DCHS2: variants seen among roughly 807,000 people sequenced by gnomAD.
The protein encoded by DCHS2 is protocadherin-23.
In DCHS2, 142 loss-of-function variants were observed where a neutral mutation model predicts 182.4. That is an observed-to-expected ratio of 0.78 (90% CI 0.68 to 0.89). The LOEUF (loss-of-function observed/expected upper bound fraction) is 0.89, where lower values mean the gene tolerates loss of function less well. Ranked by LOEUF, DCHS2 falls within the 40% of genes least tolerant of loss-of-function variation. The pLI is 0.00. For missense variants in DCHS2, 4,319 were observed against 4,198.6 expected (o/e 1.03, Z -0.79); for synonymous variants, 1,740 against 1,663.3 (o/e 1.05, Z -1.12).
rs1019716221 is a variant in DCHS2, at chr4:154,246,664, C to T, written c.6942-3892G>A. Among the ~76,000 whole-genome samples the T allele has an allele frequency of 9.2e-5, 14 of 152,088 alleles. No homozygotes were observed. The East Asian group carries it at 1.9e-3, about 21-fold the overall frequency. On this transcript the variant is annotated intron_variant, in intron 16 of 19. Coordinates refer to ENST00000357232, the MANE Select transcript of DCHS2 (RefSeq NM_001358235.2). ...AATACCTTGGAGAGATATCAGAAGA[C>T]AACATGTGCATAAAACAAGAGTTGG...
intron 12 of DCHS2, among the ~76,000 whole-genome samples, chr4:154,302,468 G>C (rs185642888): frequency 2.0e-4 from 30 of 152,254 alleles, no homozygotes; most frequent in African/African-American, 6.7e-4. Context: ...TTTAGGCCTG[G>C]CTTTTGTTTT....
At chr4:154,445,799 A>T (rs1364663460) in intron 1 of DCHS2, among the ~76,000 whole-genome samples, 2 of 139,552 alleles carry the variant, frequency 1.4e-5, no homozygotes, top group African/African-American at 5.5e-5. Flanking sequence ...TGATAGAGCA[A>T]GACACTGTCA....
chr4:154,417,157 G>T lies in DCHS2; in HGVS notation c.2053-39713C>A, dbSNP rs527977539. On this transcript the variant is annotated intron_variant, in intron 1 of 19. Transcript: ENST00000357232. ...CCTGTCACCACCTCAGGCCGGTCCC[G>T]AGTGTGTGTGTGTGTGTGTGTGTGT... 8.1e-4 allele frequency among the ~76,000 whole-genome samples: 94 copies of T among 116,568 alleles called. 1 individual carries two copies. The Middle Eastern group carries it at 0.013, about 16-fold the overall frequency. The allele number at this position is 116,568 out of a possible 152,430, so 76.5% of individuals were successfully genotyped here.
intron 1 of DCHS2, among the ~76,000 whole-genome samples, chr4:154,484,090 C>G (rs1179958319): frequency 6.6e-6 from 1 of 152,190 alleles, no homozygotes; most frequent in Non-Finnish European, 1.5e-5. Flanking sequence ...CCTATTCTTC[C>G]CACTAATCCA....
intron 1 of DCHS2, among the ~76,000 whole-genome samples, chr4:154,398,877 C>A (rs779663010): frequency 3.3e-5 from 5 of 152,216 alleles, no homozygotes; most frequent in Non-Finnish European, 4.4e-5. Context: ...AGGTCTATAT[C>A]CCTCCAGCCA....
rs1366251270 is a variant in DCHS2 at position 154,305,225 on chromosome 4, T to C, written c.5267A>G (p.Asn1756Ser). 6.2e-7 allele frequency: 1 copy of C among 1,606,628 alleles called. No individual in the cohort carries two copies. The highest frequency in any genetic ancestry group is 1.3e-5 in the African/African-American group (1 of 74,518). The change falls in exon 11 of 20, where the codon AAT becomes AGT. Residue 1756 changes from asparagine (N) to serine (S), a missense_variant. By Grantham distance (46) the Asn-to-Ser change is conservative. Transcript: ENST00000357232. The stretch of plus-strand genomic sequence containing the variant: ...CATGATTTCAAACTGAAGCTTGGAA[T>C]TGACTCCTTAAGAAAAATATAAAGA... ...VEALDRDSGV[N>S]SKLQFEIMPG...
At chr4:154,328,768 G>T (rs1413855225) in intron 6 of DCHS2, among the ~76,000 whole-genome samples, 1 of 152,128 alleles carries the variant, frequency 6.6e-6, no homozygotes, top group Non-Finnish European at 1.5e-5. Flanking sequence ...TGCTTTGTTA[G>T]AATTTTTCTT....
intron 1 of DCHS2, among the ~76,000 whole-genome samples, chr4:154,393,695 C>CGCT (rs3062741): frequency 0.6 from 90,490 of 151,792 alleles, 31,056 homozygotes; most frequent in Non-Finnish European, 0.75. Flanking sequence ...TCCACTCTTT[C>CGCT]GCTGTTTCAG....
At chr4:154,391,829 G>A (rs1449181793) in intron 1 of DCHS2, among the ~76,000 whole-genome samples, 2 of 152,180 alleles carry the variant, frequency 1.3e-5, no homozygotes, top group Non-Finnish European at 2.9e-5. Context: ...GCCCTGACCT[G>A]CTGAAAGCTA....
chr4:154,391,532 G>A (rs1488232479), intron 1 of DCHS2, among the ~76,000 whole-genome samples: 1 of 152,192 alleles, frequency 6.6e-6, no homozygotes, highest in East Asian at 1.9e-4. Context: ...AGGCAAAGGA[G>A]TGCTTCTCTA....
chr4:154,315,616 A>G (rs1393759497), intron 10 of DCHS2, 132 bp downstream of exon 10: 4 of 1,338,922 alleles, frequency 3.0e-6, no homozygotes, highest in African/African-American at 2.9e-5. Context: ...TGCAAATGAA[A>G]GAAGTATTAC....
intron 6 of DCHS2, 87 bp from the exon 7 acceptor site, chr4:154,328,279 T>C (rs1472070): frequency 0.17 from 145,532 of 872,586 alleles, 12,598 homozygotes; most frequent in Middle Eastern, 0.23. Flanking sequence ...GAATACATTA[T>C]ACTAAACATT....
intron 1 of DCHS2, among the ~76,000 whole-genome samples, chr4:154,473,651 T>C (rs546424324): frequency 2.6e-5 from 4 of 152,242 alleles, no homozygotes; most frequent in South Asian, 4.1e-4. Flanking sequence ...AGAGGGGTGC[T>C]AGCCAAGCGT....
intron 17 of DCHS2, among the ~76,000 whole-genome samples, chr4:154,242,074 G>A (rs1428633162): frequency 6.6e-6 from 1 of 152,064 alleles, no homozygotes; most frequent in Non-Finnish European, 1.5e-5. Context: ...GACAACTTTG[G>A]GTCCACAGAC....
chr4:154,238,824 C>T (rs1053441577), intron 19 of DCHS2, among the ~76,000 whole-genome samples: 20 of 152,168 alleles, frequency 1.3e-4, no homozygotes, highest in African/African-American at 4.8e-4. Flanking sequence ...ATCCCTTCAA[C>T]ATCATTTTGA....
In DCHS2 at chr4:154,305,151, C is replaced by A. The variant is rs749864754; in HGVS notation, c.5341G>T (p.Val1781Leu). The A allele has an allele frequency of 8.7e-6, 14 of 1,612,792 alleles. No homozygotes were observed. In the South Asian group the frequency reaches 1.2e-4, roughly 14 times the overall value. ...CTGTCAAGTATGGTGGTTGTCACTA[C>A]CTCTCCAGTGTCAGAATTTATCTCG... ...LFEINSDTGEVVTTTILDREI... is the reference protein window; with the variant it reads ...LFEINSDTGELVTTTILDREI... The change falls in exon 11 of 20, where the codon GTA (valine) becomes TTA (leucine). Residue 1781 changes from valine (V) to leucine (L), a missense_variant. Coordinates refer to ENST00000357232, the MANE Select transcript of DCHS2 (RefSeq NM_001358235.2).
rs2111339036 is a variant in DCHS2 at position 154,322,404 on chromosome 4, G to A, written c.4103C>T (p.Ser1368Phe). 4 of 1,613,790 alleles carry A rather than the reference G, an allele frequency of 2.5e-6. No individual in the cohort carries two copies. The highest frequency in any genetic ancestry group is 3.4e-6 in the Non-Finnish European group (4 of 1,179,840). Residue 1368 changes from serine to phenylalanine, a missense_variant, in exon 8 of 20, where the codon TCC becomes TTC. Coordinates refer to ENST00000357232, the MANE Select transcript of DCHS2 (RefSeq NM_001358235.2). The stretch of plus-strand genomic sequence containing the variant: ...AGTGGCAATGACACTCATTCTGTAG[G>A]AAGGTCTATAATCATACGAAAGTAT... ...TTILSYDYRP[S>F]YRMSVIATDQ...
At chr4:154,480,305 A>C (rs1435807880) in intron 1 of DCHS2, among the ~76,000 whole-genome samples, 1 of 152,230 alleles carries the variant, frequency 6.6e-6, no homozygotes, top group Non-Finnish European at 1.5e-5. Flanking sequence ...AACAATTGCT[A>C]ATTCTGCACA....
intron 1 of DCHS2, among the ~76,000 whole-genome samples, chr4:154,426,166 G>A (rs538293211): frequency 1.3e-5 from 2 of 152,096 alleles, no homozygotes; most frequent in South Asian, 2.1e-4. Context: ...CCCAGACCCC[G>A]CTTCTACTGG....
Sources: gnomAD v4.1 joint callset for allele counts (sites outside exome capture counted in the v4.1 genomes callset) on GRCh38, gnomAD v4.1.1 for gene constraint, MANE v1.5 for transcripts, NCBI Gene and HGNC (gene_info 2026-07-23, HGNC 2026-07-21) for gene names.